The following PDE1C variants were observed in gnomAD, a reference collection of about 807,000 sequenced individuals.
PDE1C encodes the protein phosphodiesterase 1C.
PDE1C carries 62 observed loss-of-function variants against 93.1 expected under a neutral mutation model. The observed-to-expected ratio is 0.67, with a 90% CI of 0.54 to 0.82. The LOEUF (loss-of-function observed/expected upper bound fraction) is 0.82, where lower values mean the gene tolerates loss of function less well. PDE1C is among the 40% of genes least tolerant of loss of function. The probability of loss-of-function intolerance (pLI) is 0.00; values close to 1 mark genes in which losing one functional copy is unlikely to be tolerated. For synonymous variants in PDE1C, 325 were observed against 310.1 expected (o/e 1.05, Z -0.50); for missense variants, 742 against 884.6 (o/e 0.84, Z 2.04).
At chr7:32,371,976 A>T (rs1273840236) in intron 1 of PDE1C, among the ~76,000 whole-genome samples, 1 of 152,172 alleles carries the variant, frequency 6.6e-6, no homozygotes, top group Non-Finnish European at 1.5e-5. Context: ...TGCAGTACAG[A>T]CATAAGGATA....
At chr7:32,099,688 C>T (rs1797948628) in intron 3 of PDE1C, among the ~76,000 whole-genome samples, 1 of 152,208 alleles carries the variant, frequency 6.6e-6, no homozygotes, top group Admixed American at 6.5e-5. Context: ...CCAGCCTCCT[C>T]ATCTCCCATC....
chr7:31,994,346 TA>T (rs1784474834), intron 2 of PDE1C, among the ~76,000 whole-genome samples: 1 of 152,152 alleles, frequency 6.6e-6, no homozygotes, highest in Non-Finnish European at 1.5e-5. Flanking sequence ...CATTTCAAAA[TA>T]AAAAGTACCA....
intron 7 of PDE1C, among the ~76,000 whole-genome samples, chr7:31,851,912 A>G (rs547113772): frequency 6.6e-6 from 1 of 152,314 alleles, no homozygotes; most frequent in East Asian, 1.9e-4. Flanking sequence ...CACATCTTTA[A>G]GTTCCCACTT....
chr7:31,651,086 G>A, the PDE1C span: 5 of 1,576,262 alleles, frequency 3.2e-6, no homozygotes, highest in South Asian at 2.4e-5. Flanking sequence ...ACCATGGTGA[G>A]CTCTTGCAGA....
chr7:31,918,043 C>T (rs1802148512), intron 2 of PDE1C, among the ~76,000 whole-genome samples: 1 of 152,130 alleles, frequency 6.6e-6, no homozygotes, highest in Non-Finnish European at 1.5e-5. Context: ...AGGAGATTTA[C>T]AAGAGGTCGG....
chr7:31,674,712 T>A, the PDE1C span, among the ~76,000 whole-genome samples: 1 of 152,304 alleles, frequency 6.6e-6, no homozygotes, highest in Admixed American at 6.5e-5. Context: ...TACAATTAGT[T>A]GTCTACATGG....
chr7:32,362,180 A>C (rs986686961), intron 1 of PDE1C, among the ~76,000 whole-genome samples: 72 of 152,160 alleles, frequency 4.7e-4, no homozygotes, highest in African/African-American at 1.7e-3. Context: ...AAGATGTCCC[A>C]ACCAGAGGGA....
chr7:32,175,553 G>A (rs781518053), intron 2 of PDE1C, among the ~76,000 whole-genome samples: 9 of 152,146 alleles, frequency 5.9e-5, no homozygotes, highest in Non-Finnish European at 1.3e-4. Flanking sequence ...AGCTGTGACA[G>A]TTTCTTAAAA....
chr7:31,696,931 T>A, the PDE1C span: 1 of 1,607,020 alleles, frequency 6.2e-7, no homozygotes, highest in African/African-American at 1.3e-5. Context: ...ATGTATTTGA[T>A]CCTGTTTCTC....
intron 2 of PDE1C, among the ~76,000 whole-genome samples, chr7:32,005,461 C>T (rs1347552503): frequency 1.4e-5 from 2 of 144,750 alleles, no homozygotes. Flanking sequence ...GAGGCTGAGG[C>T]AGGAGAATGG....
At position 31,806,273 on chromosome 7, in the gene PDE1C, T is replaced by C. The variant is rs542115209; in HGVS notation, c.1891+2758A>G. Among the ~76,000 whole-genome samples the C allele has an allele frequency of 2.0e-5, 3 of 152,098 alleles. No individual in the cohort carries two copies. In the South Asian group the frequency reaches 6.2e-4, roughly 32 times the overall value. On this transcript the variant is annotated intron_variant, in intron 16 of 17. Transcript: ENST00000396191. ...TGATCAAGTAAAGTTAACGGCAAGT[T>C]TGTATTTCTGGATAGCTATAATAAA...
At chr7:32,338,082 C>A (rs111278328) in intron 1 of PDE1C, among the ~76,000 whole-genome samples, 1 of 152,026 alleles carries the variant, frequency 6.6e-6, no homozygotes, top group South Asian at 2.1e-4. Context: ...GATATGACAT[C>A]GAAAGCACAG....
At chr7:31,658,598 T>C in the PDE1C span, 1 of 314,912 alleles carries the variant, frequency 3.2e-6, no homozygotes, top group South Asian at 1.1e-4. Flanking sequence ...TGTGCGAGAA[T>C]TGTAGGTTAT....
intron 1 of PDE1C, among the ~76,000 whole-genome samples, chr7:32,339,847 A>AGG (rs150000183): frequency 7.2e-5 from 11 of 152,102 alleles, no homozygotes; most frequent in African/African-American, 2.7e-4. Context: ...GAACTGTGGT[A>AGG]GGGCCACCCT....
chr7:32,256,447 C>T (rs1052946499), intron 1 of PDE1C, among the ~76,000 whole-genome samples: 2 of 152,154 alleles, frequency 1.3e-5, no homozygotes, highest in Non-Finnish European at 2.9e-5. Context: ...CTGGAATTCG[C>T]ACCCCAGCTC....
In PDE1C at chr7:31,753,312, C is replaced by T; in HGVS notation, c.*72G>A. On this transcript the variant is annotated 3_prime_UTR_variant, in exon 18 of 18. Coordinates refer to ENST00000396191, the MANE Select transcript of PDE1C (RefSeq NM_001191057.4). The stretch of plus-strand genomic sequence containing the variant: ...CCTCCAAGGGTCTTGGAGGTGTGTC[C>T]TGCTGTGGCCAGTGGGTGCTGAGAA... 2 of 1,552,294 alleles carry T rather than the reference C, an allele frequency of 1.3e-6. No individual in the cohort carries two copies. The highest frequency in any genetic ancestry group is 2.3e-5 in the East Asian group (1 of 44,186).
At chr7:32,009,195 G>A (rs1282193585) in intron 2 of PDE1C, among the ~76,000 whole-genome samples, 2 of 152,164 alleles carry the variant, frequency 1.3e-5, no homozygotes, top group South Asian at 4.1e-4. Context: ...ACAAAGACAG[G>A]GAGCCCTGTG....
At chr7:31,791,785 C>T (rs1423616922) in intron 16 of PDE1C, among the ~76,000 whole-genome samples, 1 of 152,066 alleles carries the variant, frequency 6.6e-6, no homozygotes, top group Non-Finnish European at 1.5e-5. Context: ...GATGCACCTC[C>T]TGCAGACTGG....
At chr7:32,275,444 C>T (rs2082083985) in intron 1 of PDE1C, among the ~76,000 whole-genome samples, 1 of 152,224 alleles carries the variant, frequency 6.6e-6, no homozygotes, top group Non-Finnish European at 1.5e-5. Context: ...AGTGACCACT[C>T]TCTCCATGGC....
Sources: allele counts gnomAD v4.1 joint callset (sites outside exome capture counted in the v4.1 genomes callset), GRCh38; gene constraint gnomAD v4.1.1; transcripts MANE v1.5; gene names NCBI Gene and HGNC (gene_info 2026-07-23, HGNC 2026-07-21).